Variants in TRHDE observed in about 807,000 individuals in gnomAD.
TRHDE encodes the protein thyrotropin releasing hormone degrading enzyme.
In TRHDE, 72 loss-of-function variants were observed where a neutral mutation model predicts 125.7. The ratio of observed to expected loss-of-function variants is 0.57; its 90% CI spans 0.47 to 0.70. The LOEUF (loss-of-function observed/expected upper bound fraction) is 0.70. Ranked by LOEUF, TRHDE falls within the 30% of genes least tolerant of loss-of-function variation. TRHDE has a pLI of 0.00. For synonymous variants in TRHDE, 509 were observed against 509.1 expected (o/e 1.00, Z 0.00); for missense variants, 1,110 against 1,327.1 (o/e 0.84, Z 2.54).
intron 2 of TRHDE, among the ~76,000 whole-genome samples, chr12:72,110,660 T>A (rs1477871646): frequency 6.6e-6 from 1 of 152,146 alleles, no homozygotes. Context: ...GATAAGATAT[T>A]AGGTAATTAA....
chr12:72,560,707 T>A (rs1238962700), intron 7 of TRHDE: 1 of 151,914 alleles, frequency 6.6e-6, no homozygotes. Context: ...GCACCTGCAG[T>A]CCTAGCTACT....
chr12:72,167,008 G>A (rs911646028), intron 2 of TRHDE, among the ~76,000 whole-genome samples: 4 of 150,966 alleles, frequency 2.6e-5, no homozygotes, highest in Admixed American at 6.6e-5. Context: ...GAGGACTGAC[G>A]ACAAATGTTT....
chr12:72,319,331 C>A (rs1391895383), intron 2 of TRHDE, among the ~76,000 whole-genome samples: 2 of 152,128 alleles, frequency 1.3e-5, no homozygotes, highest in African/African-American at 4.8e-5. Context: ...GGGAGTGGGT[C>A]TCTTTATTTC....
intron 3 of TRHDE, among the ~76,000 whole-genome samples, chr12:72,398,585 G>T (rs1157718152): frequency 6.6e-6 from 1 of 152,204 alleles, no homozygotes; most frequent in Non-Finnish European, 1.5e-5. Flanking sequence ...ATATGCATTA[G>T]ATAAGAGAAT....
chr12:72,418,065 T>A (rs1873803912), intron 3 of TRHDE, among the ~76,000 whole-genome samples: 1 of 152,062 alleles, frequency 6.6e-6, no homozygotes, highest in Non-Finnish European at 1.5e-5. Context: ...CTTGCCATAA[T>A]TCCTACTTTA....
intron 2 of TRHDE, among the ~76,000 whole-genome samples, chr12:72,243,557 G>A (rs531554476): frequency 1.3e-5 from 2 of 151,864 alleles, no homozygotes; most frequent in Non-Finnish European, 1.5e-5. Flanking sequence ...GCAAATATTG[G>A]TTTAGTAATT....
In TRHDE at chr12:72,217,206, G is replaced by C. The variant is rs557127896; in HGVS notation, n.279+111454G>C. 7.2e-5 allele frequency among the ~76,000 whole-genome samples: 11 copies of C among 152,214 alleles called. No individual in the cohort carries two copies. In the South Asian group the frequency reaches 8.3e-4, roughly 11 times the overall value. ...ATACACAGTATCTTTACTCTTTCCT[G>C]CTCAGGAAATCAGGCCTAGTAATGA... On this transcript the variant is annotated intron_variant and non_coding_transcript_variant, in intron 2 of 4. Transcript: ENST00000548156.
At chr12:72,336,378 C>T (rs1186106326) in intron 2 of TRHDE, among the ~76,000 whole-genome samples, 1 of 152,076 alleles carries the variant, frequency 6.6e-6, no homozygotes, top group Non-Finnish European at 1.5e-5. Context: ...TTCCTCTGTG[C>T]TTTTTCCTTA....
intron 2 of TRHDE, among the ~76,000 whole-genome samples, chr12:72,238,959 A>G (rs902118291): frequency 3.3e-5 from 5 of 152,194 alleles, no homozygotes; most frequent in African/African-American, 7.2e-5. Context: ...TCCTTGAGGA[A>G]TAGCCACACT....
intron 9 of TRHDE, among the ~76,000 whole-genome samples, chr12:72,563,273 A>G (rs1287057262): frequency 1.3e-5 from 2 of 152,200 alleles, no homozygotes; most frequent in South Asian, 2.1e-4. Flanking sequence ...AGAATTTTAA[A>G]TAATCATGGT....
At chr12:72,087,446 G>A (rs1003133534) in intron 1 of TRHDE, 1 of 152,214 alleles carries the variant, frequency 6.6e-6, no homozygotes, top group Non-Finnish European at 1.5e-5. Flanking sequence ...AGAGGTGAGA[G>A]GTGATATAAT....
chr12:72,088,027 A>G (rs1289581588), intron 1 of TRHDE, among the ~76,000 whole-genome samples: 1 of 152,116 alleles, frequency 6.6e-6, no homozygotes, highest in Non-Finnish European at 1.5e-5. Context: ...AGGACTTGAA[A>G]AAGTTTATCA....
chr12:72,195,575 A>C lies in TRHDE; in HGVS notation n.279+89823A>C, dbSNP rs143347290. Among the ~76,000 whole-genome samples, 404 of 151,716 alleles carry C rather than the reference A, an allele frequency of 2.7e-3. 1 individual carries two copies. Among genetic ancestry groups the C allele is most frequent in the African/African-American group, 9.3e-3 (383 of 41,304 alleles). ...GAGAAGTGTCTGTTCATGTCTTTTG[A>C]CCATTTTTCAATGAGGTTGTTTGTT... On this transcript the variant is annotated intron_variant and non_coding_transcript_variant, in intron 2 of 4. Transcript: ENST00000548156.
In TRHDE at chr12:72,649,673, C is replaced by T. The variant is rs566450349; in HGVS notation, c.2676-2649C>T. On this transcript the variant is annotated intron_variant, in intron 15 of 18. Coordinates refer to ENST00000261180, the MANE Select transcript of TRHDE (RefSeq NM_013381.3). Reference sequence around the variant, plus strand: ...GGGTTTATCTCCAAAATATATAAGACACTCCTTCAACTCAATAGGAAAACA... The same window carrying T: ...GGGTTTATCTCCAAAATATATAAGATACTCCTTCAACTCAATAGGAAAACA... Among the ~76,000 whole-genome samples the T allele has an allele frequency of 1.4e-4, 21 of 152,166 alleles. No homozygotes were observed. In the South Asian group the frequency reaches 4.1e-3, roughly 30 times the overall value.
rs535354380 is a variant in TRHDE at position 72,375,358 on chromosome 12, C to T, written c.1189-2637C>T. Among the ~76,000 whole-genome samples, 222 of 152,244 alleles carry T rather than the reference C, an allele frequency of 1.5e-3. 1 individual carries two copies. Among genetic ancestry groups the T allele is most frequent in the African/African-American group, 5.0e-3 (209 of 41,554 alleles). ...AGAAGTTTGAATGAGCAAATGAAGA[C>T]GCTGTGCTGAACATGTATATGTTTT... On this transcript the variant is annotated intron_variant, in intron 2 of 18. Coordinates refer to ENST00000261180, the MANE Select transcript of TRHDE (RefSeq NM_013381.3).
At chr12:72,559,026 T>C (rs1390986985) in intron 7 of TRHDE, among the ~76,000 whole-genome samples, 1 of 152,118 alleles carries the variant, frequency 6.6e-6, no homozygotes, top group Non-Finnish European at 1.5e-5. Context: ...AATGTCTACC[T>C]CTAATGTGTT....
intron 6 of TRHDE, among the ~76,000 whole-genome samples, chr12:72,539,313 T>G (rs1869027356): frequency 6.6e-6 from 1 of 151,874 alleles, no homozygotes; most frequent in South Asian, 2.1e-4. Flanking sequence ...ACCACCTTAT[T>G]CAATAAGCAT....
intron 3 of TRHDE, among the ~76,000 whole-genome samples, chr12:72,398,021 C>T (rs1208005897): frequency 2.9e-5 from 4 of 138,612 alleles, no homozygotes; most frequent in Non-Finnish European, 6.2e-5. Flanking sequence ...GTGTGATGTT[C>T]CCCTTCCTGT....
intron 2 of TRHDE, among the ~76,000 whole-genome samples, chr12:72,163,837 C>T (rs578206991): frequency 3.3e-5 from 5 of 152,258 alleles, no homozygotes; most frequent in Middle Eastern, 3.4e-3. Context: ...ATCGGCAGAG[C>T]GCGGTGGCTC....
Sources: gnomAD v4.1 joint callset for allele counts (sites outside exome capture counted in the v4.1 genomes callset) on GRCh38, gnomAD v4.1.1 for gene constraint, MANE v1.5 for transcripts, NCBI Gene and HGNC (gene_info 2026-07-23, HGNC 2026-07-21) for gene names.